DSCAML1: variants seen among roughly 807,000 people sequenced by gnomAD.
The protein encoded by DSCAML1 is DS cell adhesion molecule like 1.
In DSCAML1, 38 loss-of-function variants were observed where a neutral mutation model predicts 200.5. That is an observed-to-expected ratio of 0.19 (90% CI 0.15 to 0.25). The LOEUF (loss-of-function observed/expected upper bound fraction) is 0.25, where lower values mean the gene tolerates loss of function less well. Among genes scored for constraint, DSCAML1 ranks in the 10% least tolerant of loss-of-function variants. The probability of loss-of-function intolerance (pLI) is 1.00; values close to 1 mark genes in which losing one functional copy is unlikely to be tolerated. For synonymous variants in DSCAML1, 1,215 were observed against 1,165.0 expected (o/e 1.04, Z -0.87); for missense variants, 2,223 against 2,858.8 (o/e 0.78, Z 5.07).
chr11:117,491,300 G>A (rs1016900569), intron 11 of DSCAML1, among the ~76,000 whole-genome samples: 2 of 152,198 alleles, frequency 1.3e-5, no homozygotes, highest in African/African-American at 2.4e-5. Flanking sequence ...ACTGTTCTGA[G>A]TTCTGTTACC....
intron 3 of DSCAML1, among the ~76,000 whole-genome samples, chr11:117,575,288 A>G (rs74526104): frequency 0.014 from 2,201 of 152,312 alleles, 26 homozygotes; most frequent in East Asian, 0.061. Flanking sequence ...AACCAGAGCA[A>G]AGCACCCGGG....
In DSCAML1 at chr11:117,718,617, G is replaced by C. The variant is rs373846851; in HGVS notation, c.511+58174C>G. Among the ~76,000 whole-genome samples the C allele has an allele frequency of 9.5e-5, 13 of 137,452 alleles. No individual in the cohort carries two copies. The East Asian group carries it at 1.1e-3, about 12-fold the overall frequency. The allele number at this position is 137,452 out of a possible 152,430, so 90.2% of individuals were successfully genotyped here. On this transcript the variant is annotated intron_variant, in intron 3 of 32. Coordinates refer to ENST00000651296, the MANE Select transcript of DSCAML1 (RefSeq NM_020693.4). ...TCAGGAAGGTGTATGACCAAATATC[G>C]CTCCCAGTTTTTCTTTCTAAAAATA...
chr11:117,775,829 A>G (rs1295605707), intron 3 of DSCAML1, among the ~76,000 whole-genome samples: 1 of 152,136 alleles, frequency 6.6e-6, no homozygotes, highest in African/African-American at 2.4e-5. Context: ...TTCCATGAAT[A>G]GAAGTCTTAT....
chr11:117,597,372 G>A (rs969642783), intron 3 of DSCAML1, among the ~76,000 whole-genome samples: 3 of 152,174 alleles, frequency 2.0e-5, no homozygotes, highest in Non-Finnish European at 2.9e-5. Flanking sequence ...TGGGAGCAGG[G>A]CCATGAGCAG....
At chr11:117,587,170 C>T (rs2137474101) in intron 3 of DSCAML1, among the ~76,000 whole-genome samples, 1 of 152,196 alleles carries the variant, frequency 6.6e-6, no homozygotes, top group South Asian at 2.1e-4. Context: ...GACCACCACC[C>T]TCACTCCTCC....
At chr11:117,479,958 C>T (rs1366895489) in intron 14 of DSCAML1, among the ~76,000 whole-genome samples, 1 of 152,132 alleles carries the variant, frequency 6.6e-6, no homozygotes, top group Non-Finnish European at 1.5e-5. Context: ...GGGAAGGGCT[C>T]TTAGAGGAAA....
chr11:117,690,932 G>A (rs781283595), intron 3 of DSCAML1, among the ~76,000 whole-genome samples: 1 of 152,130 alleles, frequency 6.6e-6, no homozygotes, highest in South Asian at 2.1e-4. Context: ...TGAAGCAAGG[G>A]TTCCACAGCT....
rs376602423 is a variant in DSCAML1 at position 117,482,108 on chromosome 11, G to A, written c.2414C>T (p.Ala805Val). The A allele has an allele frequency of 1.8e-5, 29 of 1,614,178 alleles. No homozygotes were observed. The highest frequency in any genetic ancestry group is 5.5e-5 in the South Asian group (5 of 91,088). Reference sequence around the variant, plus strand: ...CCGTGCCGTGCAGTTTAGCTCCTTCGCATGGCCCTTGATGGCGATGGTGGT... The same window carrying A: ...CCGTGCCGTGCAGTTTAGCTCCTTCACATGGCCCTTGATGGCGATGGTGGT... ...PNTTIAIKGH[A>V]KELNCTARGE... is the part of the protein sequence containing the mutation. The change falls in exon 12 of 33, where the codon GCG (alanine) becomes GTG (valine). Residue 805 changes from alanine (A) to valine (V), a missense_variant. Around this residue, in one of 7 missense-constraint regions of DSCAML1, gnomAD observed 438 missense variants for 629.7 expected, o/e 0.70. Coordinates refer to ENST00000651296, the MANE Select transcript of DSCAML1 (RefSeq NM_020693.4).
Position 117,696,975 on chromosome 11 carries a change from T to G in DSCAML1, c.511+79816A>C, listed in dbSNP as rs548968313. On this transcript the variant is annotated intron_variant, in intron 3 of 32. Transcript: ENST00000651296. ...CCTCCTCCACAGACTCTTCAGGGAC[T>G]AATATGGGAGCTAACATTTAACAAG... Among the ~76,000 whole-genome samples the G allele has an allele frequency of 3.3e-5, 5 of 152,322 alleles. No homozygotes were observed. In the East Asian group the frequency reaches 5.8e-4, roughly 18 times the overall value.
intron 3 of DSCAML1, among the ~76,000 whole-genome samples, chr11:117,552,945 C>T (rs1008331328): frequency 6.6e-6 from 1 of 152,122 alleles, no homozygotes; most frequent in Admixed American, 6.5e-5. Flanking sequence ...CGGGGAAGTG[C>T]GTGGTTGGGA....
Position 117,654,151 on chromosome 11 carries a change from A to T in DSCAML1, c.512-121629T>A, listed in dbSNP as rs558691566. Among the ~76,000 whole-genome samples, 45 of 152,324 alleles carry T rather than the reference A, an allele frequency of 3.0e-4. No individual in the cohort carries two copies. The South Asian group carries it at 8.5e-3, about 29-fold the overall frequency. ...GATATGAAATATCCAAAATAGGCAA[A>T]TCTATAGAGACAGATTGGTGGTTGC... On this transcript the variant is annotated intron_variant, in intron 3 of 32. Transcript: ENST00000651296.
At chr11:117,711,511 C>T (rs923695080) in intron 3 of DSCAML1, among the ~76,000 whole-genome samples, 9 of 152,162 alleles carry the variant, frequency 5.9e-5, no homozygotes, top group African/African-American at 1.9e-4. Context: ...ACACCAGCTG[C>T]TCCTAGAACC....
intron 3 of DSCAML1, among the ~76,000 whole-genome samples, chr11:117,647,485 A>G (rs673028): frequency 0.32 from 48,582 of 152,104 alleles, 8,007 homozygotes; most frequent in South Asian, 0.44. Flanking sequence ...GAGGGCAGCC[A>G]AGGCTCCAAG....
At chr11:117,699,850 C>T (rs2053639039) in intron 3 of DSCAML1, among the ~76,000 whole-genome samples, 1 of 152,226 alleles carries the variant, frequency 6.6e-6, no homozygotes, top group Non-Finnish European at 1.5e-5. Context: ...ACATGCTGGA[C>T]ATACACATAC....
chr11:117,523,395 C>CCT (rs1363822680), intron 5 of DSCAML1, among the ~76,000 whole-genome samples: 1 of 152,158 alleles, frequency 6.6e-6, no homozygotes, highest in Non-Finnish European at 1.5e-5. Context: ...CAATCCTGAT[C>CCT]CTCTGTCTGC....
intron 3 of DSCAML1, among the ~76,000 whole-genome samples, chr11:117,721,035 C>T (rs2054033641): frequency 6.6e-6 from 1 of 152,170 alleles, no homozygotes; most frequent in African/African-American, 2.4e-5. Context: ...TGGCAATCCC[C>T]ATTGTACAGA....
chr11:117,631,411 G>A (rs2052170809), intron 3 of DSCAML1, among the ~76,000 whole-genome samples: 1 of 152,230 alleles, frequency 6.6e-6, no homozygotes, highest in Admixed American at 6.5e-5. Context: ...CAAGAGGAGA[G>A]CTGCGGGCTG....
intron 3 of DSCAML1, among the ~76,000 whole-genome samples, chr11:117,643,356 G>A (rs1047807964): frequency 2.0e-5 from 3 of 152,160 alleles, no homozygotes; most frequent in Non-Finnish European, 4.4e-5. Context: ...TGTATGTGGG[G>A]AGGACGTACT....
chr11:117,621,736 C>T (rs994860991), intron 3 of DSCAML1, among the ~76,000 whole-genome samples: 1 of 152,184 alleles, frequency 6.6e-6, no homozygotes, highest in Admixed American at 6.5e-5. Flanking sequence ...TACAACATCA[C>T]AAAACCTCAT....
Sources: allele counts gnomAD v4.1 joint callset (sites outside exome capture counted in the v4.1 genomes callset), GRCh38; gene constraint gnomAD v4.1.1; regional missense constraint gnomAD v4.1.1; transcripts MANE v1.5; gene names NCBI Gene and HGNC (gene_info 2026-07-23, HGNC 2026-07-21).